Variants in LRMDA observed in about 807,000 individuals in gnomAD.
The protein encoded by LRMDA is leucine rich melanocyte differentiation associated, also known as leucine-rich melanocyte differentiation-associated protein.
Under a neutral mutation model 29.8 loss-of-function variants are expected in LRMDA, and 18 were observed. The ratio of observed to expected loss-of-function variants is 0.60; its 90% CI spans 0.42 to 0.90. The LOEUF (loss-of-function observed/expected upper bound fraction) is 0.90. Among genes scored for constraint, LRMDA ranks in the 40% least tolerant of loss-of-function variants. The pLI is 0.00. For missense variants in LRMDA, 273 were observed against 273.9 expected (o/e 1.00, Z 0.02); for synonymous variants, 125 against 109.4 (o/e 1.14, Z -0.89).
intron 5 of LRMDA, among the ~76,000 whole-genome samples, chr10:76,120,999 A>G (rs1458074839): frequency 1.8e-4 from 27 of 151,796 alleles, no homozygotes; most frequent in Non-Finnish European, 5.9e-5. Flanking sequence ...CGCCTGGCTA[A>G]TTTTTGTATT....
At chr10:75,578,227 A>AAAAAAAAAAAAAAAAAAC in intron 2 of LRMDA, among the ~76,000 whole-genome samples, 1 of 142,974 alleles carries the variant, frequency 7.0e-6, no homozygotes, top group Non-Finnish European at 1.5e-5. Flanking sequence ...AAAAAAAAAA[A>AAAAAAAAAAAAAAAAAAC]AAAAAAAAAA....
chr10:75,835,727 G>GTTT (rs1336913301), intron 2 of LRMDA, among the ~76,000 whole-genome samples: 1 of 152,190 alleles, frequency 6.6e-6, no homozygotes, highest in African/African-American at 2.4e-5. Flanking sequence ...AAAGTGAGGG[G>GTTT]ATTAAACTGA....
intron 2 of LRMDA, among the ~76,000 whole-genome samples, chr10:75,673,471 G>A (rs949651952): frequency 2.0e-5 from 3 of 152,210 alleles, no homozygotes; most frequent in African/African-American, 7.2e-5. Context: ...AGTATGGAAT[G>A]ATGAAGCCCT....
intron 5 of LRMDA, among the ~76,000 whole-genome samples, chr10:76,116,195 C>T (rs528480824): frequency 1.6e-4 from 24 of 152,106 alleles, no homozygotes; most frequent in African/African-American, 2.7e-4. Flanking sequence ...ATGTATCAAA[C>T]GGGTAGAGCT....
intron 2 of LRMDA, among the ~76,000 whole-genome samples, chr10:75,919,443 A>T (rs1236560573): frequency 6.6e-6 from 1 of 152,238 alleles, no homozygotes; most frequent in Non-Finnish European, 1.5e-5. Context: ...GTGCAATTGG[A>T]GCATACAGAT....
intron 2 of LRMDA, among the ~76,000 whole-genome samples, chr10:75,516,480 C>T (rs1387968307): frequency 2.6e-5 from 4 of 152,144 alleles, no homozygotes; most frequent in African/African-American, 9.7e-5. Flanking sequence ...TTTCATGTGT[C>T]TGTTGGCTGC....
At chr10:76,162,694 A>C (rs1053798923) in intron 5 of LRMDA, among the ~76,000 whole-genome samples, 2 of 152,138 alleles carry the variant, frequency 1.3e-5, no homozygotes, top group South Asian at 2.1e-4. Context: ...TTTGTGAGAA[A>C]TCCATCACCG....
chr10:76,243,811 C>G (rs976536584), intron 5 of LRMDA, among the ~76,000 whole-genome samples: 1 of 151,976 alleles, frequency 6.6e-6, no homozygotes, highest in African/African-American at 2.4e-5. Context: ...TGAGTGGTAG[C>G]CCCCCCAAAA....
chr10:75,823,081 A>G (rs1273321438), intron 2 of LRMDA, among the ~76,000 whole-genome samples: 1 of 152,224 alleles, frequency 6.6e-6, no homozygotes, highest in Non-Finnish European at 1.5e-5. Context: ...TAAGTTCTCC[A>G]AAGGAAATAC....
intron 2 of LRMDA, among the ~76,000 whole-genome samples, chr10:75,797,059 G>A (rs1343455477): frequency 6.6e-6 from 1 of 151,972 alleles, no homozygotes; most frequent in Non-Finnish European, 1.5e-5. Context: ...TTTTTCTTAA[G>A]TTTTTGATAG....
intron 2 of LRMDA, among the ~76,000 whole-genome samples, chr10:75,741,685 C>G (rs1309441462): frequency 6.6e-6 from 1 of 152,196 alleles, no homozygotes; most frequent in African/African-American, 2.4e-5. Context: ...TCCTTATCTT[C>G]GTTTTGGTGT....
At chr10:75,609,250 G>A (rs946210796) in intron 2 of LRMDA, among the ~76,000 whole-genome samples, 2 of 152,104 alleles carry the variant, frequency 1.3e-5, no homozygotes, top group Non-Finnish European at 2.9e-5. Flanking sequence ...CTTTGAGGCC[G>A]CTGCTTGGAA....
chr10:76,107,683 G>T (rs1165152756), intron 5 of LRMDA, among the ~76,000 whole-genome samples: 1 of 152,084 alleles, frequency 6.6e-6, no homozygotes, highest in Non-Finnish European at 1.5e-5. Flanking sequence ...CCCTTTTGCT[G>T]GTCTCTGGAT....
intron 2 of LRMDA, among the ~76,000 whole-genome samples, chr10:75,795,160 C>G (rs1370310278): frequency 6.6e-6 from 1 of 152,116 alleles, no homozygotes; most frequent in Non-Finnish European, 1.5e-5. Flanking sequence ...CTTTGGGAGG[C>G]TGAGGCAGGT....
Position 75,956,471 on chromosome 10 carries a change from G to GT in LRMDA, c.132-79531dup, listed in dbSNP as rs1056196251. Among the ~76,000 whole-genome samples, 8 of 152,242 alleles carry GT rather than the reference G, an allele frequency of 5.3e-5. No individual in the cohort carries two copies. In the East Asian group the frequency reaches 7.7e-4, roughly 15 times the overall value. ...AAACACATAAGGACCTGTAGGCACC[G>GT]TTTTTTGCTCTGGGCTTAAACACCT... On this transcript the variant is annotated intron_variant, in intron 2 of 6. Coordinates refer to ENST00000611255, the MANE Select transcript of LRMDA (RefSeq NM_001305581.2).
At chr10:76,081,688 A>C (rs1269061443) in intron 5 of LRMDA, among the ~76,000 whole-genome samples, 1 of 152,224 alleles carries the variant, frequency 6.6e-6, no homozygotes, top group Non-Finnish European at 1.5e-5. Context: ...ACAGGGACTA[A>C]ACTGAGTAAA....
At chr10:75,827,696 T>C (rs143814315) in intron 2 of LRMDA, among the ~76,000 whole-genome samples, 194 of 152,370 alleles carry the variant, frequency 1.3e-3, no homozygotes, top group African/African-American at 4.4e-3. Context: ...TGAGAACATT[T>C]ACATCTGTTT....
chr10:76,405,854 C>T (rs1841897094), intron 6 of LRMDA, among the ~76,000 whole-genome samples: 1 of 152,164 alleles, frequency 6.6e-6, no homozygotes. Context: ...TTTTATCTTT[C>T]TCTCTCTGTG....
chr10:75,807,108 C>T (rs1256017848), intron 2 of LRMDA, among the ~76,000 whole-genome samples: 27 of 152,144 alleles, frequency 1.8e-4, no homozygotes, highest in Non-Finnish European at 4.0e-4. Context: ...TATGTTCTCA[C>T]CTCTCAATTC....
Sources: gnomAD v4.1 joint callset for allele counts (sites outside exome capture counted in the v4.1 genomes callset) on GRCh38, gnomAD v4.1.1 for gene constraint, MANE v1.5 for transcripts, NCBI Gene and HGNC (gene_info 2026-07-23, HGNC 2026-07-21) for gene names.